Variants in GAREM1 observed in about 807,000 individuals in gnomAD.
The protein encoded by GAREM1 is GRB2-associated and regulator of MAPK protein 1.
In GAREM1, 26 loss-of-function variants were observed where a neutral mutation model predicts 71.3. The ratio of observed to expected loss-of-function variants is 0.36; its 90% CI spans 0.27 to 0.51. GAREM1 has a LOEUF of 0.51. Among genes scored for constraint, GAREM1 ranks in the 20% least tolerant of loss-of-function variants. The pLI is 0.95. For missense variants in GAREM1, 1,026 were observed against 1,103.1 expected, an observed-to-expected ratio of 0.93 and a Z score of 0.99; for synonymous variants, 440 against 433.2, an observed-to-expected ratio of 1.02 and a Z score of -0.20.
At chr18:32,336,267 A>G (rs75449526) in intron 2 of GAREM1, among the ~76,000 whole-genome samples, 7,363 of 151,916 alleles carry the variant, frequency 0.048, 269 homozygotes, top group East Asian at 0.12. Flanking sequence ...TATCTCTACT[A>G]AAAATACAAA....
At chr18:32,437,160 G>A (rs2048688265) in intron 1 of GAREM1, among the ~76,000 whole-genome samples, 1 of 152,178 alleles carries the variant, frequency 6.6e-6, no homozygotes, top group African/African-American at 2.4e-5. Flanking sequence ...AAAGCAATGT[G>A]TTATAATGAA....
intron 2 of GAREM1, among the ~76,000 whole-genome samples, chr18:32,383,434 C>G (rs2048115566): frequency 6.6e-6 from 1 of 152,170 alleles, no homozygotes; most frequent in South Asian, 2.1e-4. Flanking sequence ...GTTTTGCTAG[C>G]ACTGCAATCA....
intron 4 of GAREM1, among the ~76,000 whole-genome samples, chr18:32,284,662 A>T (rs1252101835): frequency 6.6e-6 from 1 of 152,162 alleles, no homozygotes; most frequent in African/African-American, 2.4e-5. Context: ...TGAAGGTCAG[A>T]GCCCCAACCT....
intron 1 of GAREM1, among the ~76,000 whole-genome samples, chr18:32,403,421 T>C (rs750250453): frequency 6.6e-6 from 1 of 152,168 alleles, no homozygotes; most frequent in Admixed American, 6.5e-5. Flanking sequence ...CCAAAGGGAC[T>C]GTTCTCTGTT....
At chr18:32,285,639 C>T (rs191042761) in intron 4 of GAREM1, among the ~76,000 whole-genome samples, 119 of 152,336 alleles carry the variant, frequency 7.8e-4, no homozygotes, top group Non-Finnish European at 1.1e-3. Flanking sequence ...ATTCATCCCG[C>T]GACTAGAAGT....
At position 32,268,635 on chromosome 18, in the gene GAREM1, G is replaced by C. The variant is rs1400097689; in HGVS notation, c.1867C>G (p.Arg623Gly). 2 of 1,614,166 alleles carry C rather than the reference G, an allele frequency of 1.2e-6. No homozygotes were observed. Among genetic ancestry groups the C allele is most frequent in the Non-Finnish European group, 1.7e-6 (2 of 1,180,024 alleles). The change falls in exon 6 of 6, where the codon CGG (arginine) becomes GGG (glycine). Residue 623 changes from arginine (R) to glycine (G), a missense_variant. Coordinates refer to ENST00000269209, the MANE Select transcript of GAREM1 (RefSeq NM_001242409.2). ...GAATAATGGTTAGGCCATGAGAGCC[G>C]AGAGGACACAGCTTCAGCAGAAGGA... is the stretch of plus-strand genomic sequence containing the variant. ...GSPSAEAVSSRLSWPNHYSGA... is the reference protein window; with the variant it reads ...GSPSAEAVSSGLSWPNHYSGA...
rs747025461 is a variant in GAREM1 at position 32,393,042 on chromosome 18, A to T, written c.122-7T>A. ...AGCCCTTCTACGCACTCTCCTAGGA[A>T]ATACAATTTTATATGAGAAACTTAG... On this transcript the variant is annotated splice_region_variant and splice_polypyrimidine_tract_variant and intron_variant, in intron 1 of 5. Transcript: ENST00000269209. The T allele has an allele frequency of 1.3e-5, 21 of 1,607,126 alleles. No individual in the cohort carries two copies. Among genetic ancestry groups the T allele is most frequent in the Non-Finnish European group, 1.8e-5 (21 of 1,175,852 alleles).
chr18:32,399,775 C>T (rs909209578), intron 1 of GAREM1, among the ~76,000 whole-genome samples: 4 of 152,242 alleles, frequency 2.6e-5, no homozygotes, highest in African/African-American at 9.6e-5. Context: ...TCAATGCCAT[C>T]CCCATCAAGC....
intron 2 of GAREM1, among the ~76,000 whole-genome samples, chr18:32,356,060 A>G (rs1246777505): frequency 6.6e-6 from 1 of 152,218 alleles, no homozygotes; most frequent in Non-Finnish European, 1.5e-5. Flanking sequence ...CTAAGGAAAC[A>G]GCTTTCATCT....
At chr18:32,416,696 A>G (rs1403416155) in intron 1 of GAREM1, among the ~76,000 whole-genome samples, 1 of 152,176 alleles carries the variant, frequency 6.6e-6, no homozygotes, top group Non-Finnish European at 1.5e-5. Flanking sequence ...CTAGACCCTT[A>G]TCTCTTGCCA....
At chr18:32,359,156 G>A (rs1341759818) in intron 2 of GAREM1, among the ~76,000 whole-genome samples, 1 of 152,078 alleles carries the variant, frequency 6.6e-6, no homozygotes, top group African/African-American at 2.4e-5. Flanking sequence ...ATATGCCCAT[G>A]GTTTTAATAA....
chr18:32,388,815 T>C (rs2048170767), intron 2 of GAREM1, among the ~76,000 whole-genome samples: 1 of 152,174 alleles, frequency 6.6e-6, no homozygotes, highest in Non-Finnish European at 1.5e-5. Flanking sequence ...CTAGACTGGA[T>C]GTTGTCCCAG....
At chr18:32,322,148 C>T (rs1056951799) in intron 2 of GAREM1, among the ~76,000 whole-genome samples, 4 of 152,182 alleles carry the variant, frequency 2.6e-5, no homozygotes, top group African/African-American at 9.7e-5. Context: ...AGACCTTGAC[C>T]TCGCTCTGTT....
At chr18:32,417,110 T>C (rs2048473264) in intron 1 of GAREM1, among the ~76,000 whole-genome samples, 1 of 152,130 alleles carries the variant, frequency 6.6e-6, no homozygotes, top group Non-Finnish European at 1.5e-5. Flanking sequence ...CAAACAGATA[T>C]ATGAAAAAGT....
chr18:32,352,344 G>A (rs901055485), intron 2 of GAREM1, among the ~76,000 whole-genome samples: 1 of 152,212 alleles, frequency 6.6e-6, no homozygotes, highest in Non-Finnish European at 1.5e-5. Flanking sequence ...CGTGGCCAGC[G>A]ACACCTGGGG....
At position 32,267,346 on chromosome 18, in the gene GAREM1, C is replaced by G. The variant is rs1401557978; in HGVS notation, c.*525G>C. 1 of 152,138 alleles carries G rather than the reference C, an allele frequency of 6.6e-6. No homozygotes were observed. The allele number at this position is 152,138 out of a possible 1,614,324, so 9.4% of individuals were successfully genotyped here. Reference sequence around the variant, plus strand: ...TGCCTTGTGATAAAAAGATCCCCACCAAGCATACAACATTAAAGTGTCAAT... The same window carrying G: ...TGCCTTGTGATAAAAAGATCCCCACGAAGCATACAACATTAAAGTGTCAAT... On this transcript the variant is annotated 3_prime_UTR_variant, in exon 6 of 6. Coordinates refer to ENST00000269209, the MANE Select transcript of GAREM1 (RefSeq NM_001242409.2).
chr18:32,291,072 T>C (rs2047078713), intron 3 of GAREM1, among the ~76,000 whole-genome samples: 1 of 152,152 alleles, frequency 6.6e-6, no homozygotes, highest in Non-Finnish European at 1.5e-5. Flanking sequence ...TTGCAAAATA[T>C]TGGAACTCAT....
At chr18:32,292,906 T>C (rs186873314) in intron 3 of GAREM1, among the ~76,000 whole-genome samples, 84 of 152,252 alleles carry the variant, frequency 5.5e-4, no homozygotes, top group African/African-American at 1.8e-3. Context: ...TTCATAGGGA[T>C]ATGGGTAGAG....
chr18:32,321,537 C>T (rs1018910318), intron 2 of GAREM1, among the ~76,000 whole-genome samples: 2 of 152,206 alleles, frequency 1.3e-5, no homozygotes, highest in African/African-American at 2.4e-5. Context: ...CTAAATTCCA[C>T]ATCAGCCTAT....
Sources: allele counts gnomAD v4.1 joint callset (sites outside exome capture counted in the v4.1 genomes callset), GRCh38; gene constraint gnomAD v4.1.1; transcripts MANE v1.5; gene names NCBI Gene and HGNC (gene_info 2026-07-23, HGNC 2026-07-21).